Variants in CD247 observed in about 807,000 individuals in gnomAD.
CD247 encodes CD247 molecule.
CD247 carries 13 observed loss-of-function variants against 30.0 expected under a neutral mutation model. The observed-to-expected ratio is 0.43, with a 90% CI of 0.28 to 0.69. CD247 has a LOEUF of 0.69. CD247 is among the 30% of genes least tolerant of loss of function. The pLI, the probability that CD247 is intolerant of heterozygous loss-of-function variation, is 0.16. For synonymous variants in CD247, 72 were observed against 80.0 expected, an observed-to-expected ratio of 0.90 and a Z score of 0.53; for missense variants, 193 against 212.6, an observed-to-expected ratio of 0.91 and a Z score of 0.57.
Position 167,436,800 on chromosome 1 carries a change from G to A in CD247, c.301-1366C>T, listed in dbSNP as rs532706193. Among the ~76,000 whole-genome samples the A allele has an allele frequency of 5.9e-5, 9 of 152,196 alleles. No individual in the cohort carries two copies. The East Asian group carries it at 1.7e-3, about 29-fold the overall frequency. On this transcript the variant is annotated intron_variant, in intron 4 of 7. Transcript: ENST00000362089. Reference sequence around the variant, plus strand: ...GAGATCACCTCACACTTGTTAGGGTGCGCATTACCAAAAAGACAAAAGACA... The same window carrying A: ...GAGATCACCTCACACTTGTTAGGGTACGCATTACCAAAAAGACAAAAGACA...
chr1:167,475,727 G>A (rs907599592), intron 1 of CD247, among the ~76,000 whole-genome samples: 3 of 152,170 alleles, frequency 2.0e-5, no homozygotes, highest in Non-Finnish European at 4.4e-5. Flanking sequence ...ACACCACAGG[G>A]ATGCAATCAG....
At chr1:167,474,071 A>G (rs1369155001) in intron 1 of CD247, among the ~76,000 whole-genome samples, 1 of 152,080 alleles carries the variant, frequency 6.6e-6, no homozygotes, top group Admixed American at 6.6e-5. Flanking sequence ...AGCCGTGTGA[A>G]CCAGAGATAC....
intron 1 of CD247, among the ~76,000 whole-genome samples, chr1:167,468,211 T>C (rs564008911): frequency 5.6e-4 from 85 of 152,062 alleles, no homozygotes; most frequent in African/African-American, 2.0e-3. Flanking sequence ...CAAATTAATA[T>C]AAGAAAACGT....
At chr1:167,454,686 T>C (rs1446121792) in intron 1 of CD247, among the ~76,000 whole-genome samples, 1 of 152,116 alleles carries the variant, frequency 6.6e-6, no homozygotes, top group African/African-American at 2.4e-5. Context: ...TCCAGTGCTG[T>C]AAGGACGAGA....
chr1:167,492,582 G>A (rs1186040188), intron 1 of CD247, among the ~76,000 whole-genome samples: 2 of 152,186 alleles, frequency 1.3e-5, no homozygotes, highest in African/African-American at 4.8e-5. Context: ...TTTCCTTTCT[G>A]GTCACGTAGG....
At chr1:167,444,251 C>T (rs1651969377) in intron 1 of CD247, among the ~76,000 whole-genome samples, 1 of 152,202 alleles carries the variant, frequency 6.6e-6, no homozygotes, top group South Asian at 2.1e-4. Context: ...AGGCCGCACA[C>T]AAGGTGTAGG....
In CD247 at chr1:167,518,427, C is replaced by T. The variant is rs760945719; in HGVS notation, c.39G>A (p.Gln13=). ...WKALFTAAIL[Q]AQLPITEAQS... The stretch of plus-strand genomic sequence containing the variant: ...CCCTACCTGTAATCGGCAACTGTGC[C>T]TGCAGGATGGCCGCGGTGAAAAGCG... Residue 13 remains glutamine (Q), a synonymous_variant, in exon 1 of 8, where the codon CAG becomes CAA. Transcript: ENST00000362089. The T allele has an allele frequency of 5.0e-5, 80 of 1,614,122 alleles. No individual in the cohort carries two copies. The highest frequency in any genetic ancestry group is 4.9e-4 in the South Asian group (45 of 91,092).
intron 1 of CD247, among the ~76,000 whole-genome samples, chr1:167,448,169 G>C (rs536332462): frequency 6.6e-6 from 1 of 152,304 alleles, no homozygotes; most frequent in African/African-American, 2.4e-5. Flanking sequence ...TTTGTTCTGG[G>C]CCAGGAACCA....
intron 7 of CD247, 136 bp from the exon 8 acceptor site, chr1:167,431,882 TC>T: frequency 2.7e-6 from 2 of 749,130 alleles, no homozygotes; most frequent in Non-Finnish European, 4.8e-6. Flanking sequence ...CCAGGAATAA[TC>T]CCCCTGGCCC....
intron 1 of CD247, among the ~76,000 whole-genome samples, chr1:167,467,712 G>GT: frequency 6.6e-6 from 1 of 152,220 alleles, no homozygotes; most frequent in East Asian, 1.9e-4. Flanking sequence ...CACATCCCCT[G>GT]TCATGCTCTC....
chr1:167,496,538 A>T (rs768418210), intron 1 of CD247, among the ~76,000 whole-genome samples: 3 of 152,146 alleles, frequency 2.0e-5, no homozygotes, highest in Admixed American at 2.0e-4. Context: ...GGCCTTGAAG[A>T]TCTCCATCCC....
chr1:167,469,140 G>A (rs915215746), intron 1 of CD247, among the ~76,000 whole-genome samples: 2 of 152,120 alleles, frequency 1.3e-5, no homozygotes, highest in Admixed American at 1.3e-4. Flanking sequence ...GTGCCACAGT[G>A]CCCGGCTAAT....
chr1:167,482,040 C>G (rs907513461), intron 1 of CD247, among the ~76,000 whole-genome samples: 1 of 152,186 alleles, frequency 6.6e-6, no homozygotes, highest in Non-Finnish European at 1.5e-5. Flanking sequence ...CTTCTGGGGA[C>G]CTTTCTTTTT....
chr1:167,481,100 A>C (rs1232554248), intron 1 of CD247, among the ~76,000 whole-genome samples: 1 of 152,164 alleles, frequency 6.6e-6, no homozygotes, highest in Non-Finnish European at 1.5e-5. Context: ...CAGCCTGGGC[A>C]ACATGGTGAA....
In CD247 at chr1:167,439,295, G is replaced by A. The variant is rs199907617; in HGVS notation, c.219+49C>T. On this transcript the variant is annotated intron_variant, in intron 3 of 7. Coordinates refer to ENST00000362089, the MANE Select transcript of CD247 (RefSeq NM_198053.3). ...GGCGGGCGCGTTCCCTAGGTCCGAG[G>A]AGGAGGCTGCCCTTCCTTTCCGGAG... 5.1e-6 allele frequency: 8 copies of A among 1,555,200 alleles called. No homozygotes were observed. The Admixed American group carries it at 6.7e-5, about 13-fold the overall frequency.
At position 167,454,223 on chromosome 1, in the gene CD247, T is replaced by C. The variant is rs146440404; in HGVS notation, c.59-13456A>G. On this transcript the variant is annotated intron_variant, in intron 1 of 7. Transcript: ENST00000362089. ...TACAAGAAAAAACACGTTAAAAATA[T>C]ATGTATATCTGGAGGGCCGCACACA... 3.1e-3 allele frequency among the ~76,000 whole-genome samples: 468 copies of C among 152,298 alleles called. 3 individuals are homozygous for C. Among genetic ancestry groups the C allele is most frequent in the African/African-American group, 0.011 (446 of 41,552 alleles).
chr1:167,482,904 C>T (rs1558019476), intron 1 of CD247, among the ~76,000 whole-genome samples: 1 of 148,572 alleles, frequency 6.7e-6, no homozygotes, highest in Admixed American at 6.6e-5. Context: ...CTGGGTAAGC[C>T]CTTGTTTGGC....
intron 1 of CD247, among the ~76,000 whole-genome samples, chr1:167,471,831 C>CTTTTTTTTTTT (rs111891678): frequency 3.8e-4 from 44 of 117,186 alleles, no homozygotes; most frequent in African/African-American, 4.8e-4. Context: ...CTGTTTCTTT[C>CTTTTTTTTTTT]TTTTTTTTTT....
At chr1:167,463,588 A>G (rs1272603787) in intron 1 of CD247, among the ~76,000 whole-genome samples, 1 of 152,162 alleles carries the variant, frequency 6.6e-6, no homozygotes, top group Non-Finnish European at 1.5e-5. Context: ...TTGATCCTAC[A>G]TTTCAGCCTC....
Sources: gnomAD v4.1 joint callset for allele counts (sites outside exome capture counted in the v4.1 genomes callset) on GRCh38, gnomAD v4.1.1 for gene constraint, MANE v1.5 for transcripts, NCBI Gene and HGNC (gene_info 2026-07-23, HGNC 2026-07-21) for gene names.